The following AP3B1 variants were observed in gnomAD, a reference collection of about 807,000 sequenced individuals.
AP3B1 encodes the protein AP-3 complex subunit beta-1.
A neutral mutation model predicts 132.5 loss-of-function variants in AP3B1; 61 were observed. That is an observed-to-expected ratio of 0.46 (90% confidence interval 0.37 to 0.57). AP3B1 has a LOEUF of 0.57. Ranked by LOEUF, AP3B1 falls within the 20% of genes least tolerant of loss-of-function variation. AP3B1 has a pLI of 0.00. For synonymous variants in AP3B1, 388 were observed against 438.3 expected, an observed-to-expected ratio of 0.89 and a Z score of 1.43; for missense variants, 1,120 against 1,289.4, an observed-to-expected ratio of 0.87 and a Z score of 2.01.
chr5:78,175,428 T>C (rs1744107755), intron 11 of AP3B1, among the ~76,000 whole-genome samples, 198 bp downstream of exon 11: 1 of 152,196 alleles, frequency 6.6e-6, no homozygotes, highest in Non-Finnish European at 1.5e-5. Context: ...GTAGGTAGCA[T>C]GGCTTAACTT....
chr5:78,189,439 T>C (rs960654504), intron 7 of AP3B1, among the ~76,000 whole-genome samples: 2 of 152,122 alleles, frequency 1.3e-5, no homozygotes, highest in Non-Finnish European at 2.9e-5. Context: ...TGTATTTAAT[T>C]GAAAGGATGG....
At chr5:78,275,855 A>C (rs868511468) in intron 1 of AP3B1, among the ~76,000 whole-genome samples, 2 of 152,326 alleles carry the variant, frequency 1.3e-5, no homozygotes, top group African/African-American at 4.8e-5. Flanking sequence ...AAATTCGAAC[A>C]ACATAATTAA....
At chr5:78,051,369 T>C (rs1748576241) in intron 22 of AP3B1, among the ~76,000 whole-genome samples, 1 of 152,172 alleles carries the variant, frequency 6.6e-6, no homozygotes, top group Non-Finnish European at 1.5e-5. Flanking sequence ...CAAGTTAGAT[T>C]TATAGGATAC....
chr5:78,221,907 A>G (rs996156187), intron 6 of AP3B1, among the ~76,000 whole-genome samples: 1 of 152,160 alleles, frequency 6.6e-6, no homozygotes, highest in Non-Finnish European at 1.5e-5. Context: ...CTATATTTCA[A>G]AGATAAAATC....
At chr5:78,141,379 T>C (rs1469812283) in intron 14 of AP3B1, 60 bp from the exon 15 acceptor site, 3 of 1,394,262 alleles carry the variant, frequency 2.2e-6, no homozygotes, top group Admixed American at 3.6e-5. Flanking sequence ...AATATTAACA[T>C]AGAAAAGGTT....
At chr5:78,212,328 C>T (rs569239895) in intron 7 of AP3B1, among the ~76,000 whole-genome samples, 63 of 151,986 alleles carry the variant, frequency 4.1e-4, no homozygotes, top group Non-Finnish European at 7.4e-4. Context: ...AAATGATAAG[C>T]CATTAAGTAT....
At chr5:78,284,603 G>A (rs1749193839) in intron 1 of AP3B1, among the ~76,000 whole-genome samples, 1 of 152,032 alleles carries the variant, frequency 6.6e-6, no homozygotes, top group Admixed American at 6.6e-5. Context: ...AAAGCATATA[G>A]CTTTGCTCTA....
chr5:78,024,761 C>T (rs1355906680), intron 24 of AP3B1, among the ~76,000 whole-genome samples: 2 of 151,844 alleles, frequency 1.3e-5, no homozygotes, highest in Non-Finnish European at 2.9e-5. Context: ...CGAGGTTTCA[C>T]CATGTTGGCC....
chr5:78,116,344 T>G, intron 17 of AP3B1, 110 bp from the exon 18 acceptor site: 1 of 899,178 alleles, frequency 1.1e-6, no homozygotes, highest in Non-Finnish European at 1.8e-6. Context: ...GCTTAAGGCC[T>G]CCACAGGGAA....
At chr5:78,283,118 T>C (rs548157739) in intron 1 of AP3B1, among the ~76,000 whole-genome samples, 1 of 152,368 alleles carries the variant, frequency 6.6e-6, no homozygotes, top group East Asian at 1.9e-4. Context: ...ATGTTAAATC[T>C]TTTAATCCTC....
intron 1 of AP3B1, among the ~76,000 whole-genome samples, chr5:78,282,206 T>G (rs902001760): frequency 6.6e-6 from 1 of 152,172 alleles, no homozygotes; most frequent in Non-Finnish European, 1.5e-5. Flanking sequence ...CTTACCATTT[T>G]GCTTGATTCC....
At chr5:78,090,586 C>T (rs1040883729) in intron 21 of AP3B1, among the ~76,000 whole-genome samples, 1 of 152,234 alleles carries the variant, frequency 6.6e-6, no homozygotes, top group African/African-American at 2.4e-5. Context: ...CACAGATATA[C>T]TTGAACAAAC....
At chr5:78,110,136 G>A in intron 20 of AP3B1, 71 bp downstream of exon 20, 2 of 1,317,484 alleles carry the variant, frequency 1.5e-6, no homozygotes, top group East Asian at 2.4e-5. Flanking sequence ...GAGTAGATGA[G>A]GATGGTGTTG....
intron 2 of AP3B1, among the ~76,000 whole-genome samples, chr5:78,244,903 G>A (rs551706774): frequency 6.6e-6 from 1 of 152,150 alleles, no homozygotes; most frequent in East Asian, 1.9e-4. Context: ...GCTGAGGCAC[G>A]AGAATCGCTT....
At chr5:78,222,303 T>C (rs968525637) in intron 6 of AP3B1, 4 of 153,566 alleles carry the variant, frequency 2.6e-5, no homozygotes, top group South Asian at 4.0e-4. Context: ...CAAGGTGAAA[T>C]TGAACAATAT....
intron 1 of AP3B1, among the ~76,000 whole-genome samples, chr5:78,290,939 G>A (rs1332520950): frequency 6.6e-6 from 1 of 152,090 alleles, no homozygotes; most frequent in Non-Finnish European, 1.5e-5. Flanking sequence ...AACAGAGTAA[G>A]ACATGTCTCA....
At chr5:78,261,984 G>T (rs549303070) in intron 2 of AP3B1, among the ~76,000 whole-genome samples, 1 of 151,772 alleles carries the variant, frequency 6.6e-6, no homozygotes, top group South Asian at 2.1e-4. Context: ...GGCCAGGCTT[G>T]TCTCAAACTC....
intron 1 of AP3B1, among the ~76,000 whole-genome samples, chr5:78,268,645 G>C (rs1748429448): frequency 6.6e-6 from 1 of 152,080 alleles, no homozygotes; most frequent in Non-Finnish European, 1.5e-5. Context: ...TAAACTAATG[G>C]AAACTTGGTT....
chr5:78,278,357 T>TACACAGTGGTTTAAAACAG (rs1300646714), intron 1 of AP3B1, among the ~76,000 whole-genome samples: 10 of 140,756 alleles, frequency 7.1e-5, no homozygotes, highest in East Asian at 4.1e-4. Context: ...ACTAATTCTT[T>TACACAGTGGTTTAAAACAG]GGGAGGCCGA....
Sources: gnomAD v4.1 joint callset for allele counts (sites outside exome capture counted in the v4.1 genomes callset) on GRCh38, gnomAD v4.1.1 for gene constraint, MANE v1.5 for transcripts, NCBI Gene and HGNC (gene_info 2026-07-23, HGNC 2026-07-21) for gene names.